Variants in ZNF248 observed in about 807,000 individuals in gnomAD.
ZNF248 encodes KRAB protein domain.
A neutral mutation model predicts 44.3 loss-of-function variants in ZNF248; 20 were observed. That is an observed-to-expected ratio of 0.45 (90% confidence interval 0.32 to 0.66). ZNF248 has a LOEUF of 0.66. Ranked by LOEUF, ZNF248 falls within the 30% of genes least tolerant of loss-of-function variation. The pLI is 0.04. For synonymous variants in ZNF248, 224 were observed against 229.0 expected (o/e 0.98, Z 0.20); for missense variants, 654 against 677.0 (o/e 0.97, Z 0.38).
chr10:37,835,172 A>G (rs2056870886), intron 5 of ZNF248, among the ~76,000 whole-genome samples: 1 of 152,212 alleles, frequency 6.6e-6, no homozygotes, highest in Non-Finnish European at 1.5e-5. Context: ...AAATTAGACA[A>G]CTAACAATTA....
downstream of ZNF248, among the ~76,000 whole-genome samples, chr10:37,827,677 G>C (rs1434345822): frequency 6.6e-6 from 1 of 152,116 alleles, no homozygotes; most frequent in African/African-American, 2.4e-5. Flanking sequence ...AATGGGAATA[G>C]GTAAGTCTTC....
chr10:37,761,585 C>A, the ZNF248 span, among the ~76,000 whole-genome samples: 2 of 152,108 alleles, frequency 1.3e-5, no homozygotes, highest in African/African-American at 4.8e-5. Context: ...TGAAAAAGTG[C>A]AATGAAGCAG....
intron 6 of ZNF248, chr10:37,795,316 A>C (rs985892632): frequency 3.3e-5 from 5 of 152,188 alleles, no homozygotes. Context: ...CCATATTCAA[A>C]GAGGCTCTCC....
At chr10:37,786,671 T>C (rs2047905920) in intron 6 of ZNF248, among the ~76,000 whole-genome samples, 1 of 152,176 alleles carries the variant, frequency 6.6e-6, no homozygotes, top group South Asian at 2.1e-4. Flanking sequence ...ACTTTTTGTT[T>C]TATGGATTTC....
intron 6 of ZNF248, among the ~76,000 whole-genome samples, chr10:37,814,279 C>T (rs564491982): frequency 1.3e-5 from 2 of 152,254 alleles, no homozygotes; most frequent in East Asian, 3.9e-4. Flanking sequence ...AACTCCGCTC[C>T]TACACAGCAC....
At chr10:37,847,941 T>C (rs2134552775) in intron 3 of ZNF248, among the ~76,000 whole-genome samples, 1 of 152,294 alleles carries the variant, frequency 6.6e-6, no homozygotes, top group South Asian at 2.1e-4. Flanking sequence ...CTGAAATAGA[T>C]ATTTATCTAT....
chr10:37,815,647 T>C (rs2052327795), intron 6 of ZNF248, among the ~76,000 whole-genome samples: 1 of 152,046 alleles, frequency 6.6e-6, no homozygotes, highest in African/African-American at 2.4e-5. Context: ...TTCTTTTCTT[T>C]TTTGCTTTCA....
chr10:37,801,758 AGAGT>A (rs1426069228), intron 6 of ZNF248, among the ~76,000 whole-genome samples: 1 of 152,202 alleles, frequency 6.6e-6, no homozygotes, highest in African/African-American at 2.4e-5. Context: ...GCAAGGAAGC[AGAGT>A]GAGTGACAGT....
chr10:37,847,628 A>G (rs1306231644), intron 3 of ZNF248, among the ~76,000 whole-genome samples: 1 of 152,232 alleles, frequency 6.6e-6, no homozygotes, highest in Non-Finnish European at 1.5e-5. Flanking sequence ...TTAACTGCTG[A>G]ATCTAGGTAA....
the ZNF248 span, among the ~76,000 whole-genome samples, chr10:37,762,728 G>C: frequency 6.6e-6 from 1 of 152,160 alleles, no homozygotes; most frequent in Non-Finnish European, 1.5e-5. Context: ...CATACAAATA[G>C]TTCCTGGGTT....
the ZNF248 span, among the ~76,000 whole-genome samples, chr10:37,764,929 G>T: frequency 4.6e-5 from 7 of 151,664 alleles, no homozygotes; most frequent in Non-Finnish European, 1.0e-4. Flanking sequence ...TAGTTTATGT[G>T]GATATTAAAA....
intron 3 of ZNF248, among the ~76,000 whole-genome samples, chr10:37,846,796 G>T (rs925171213): frequency 1.3e-5 from 2 of 152,104 alleles, no homozygotes; most frequent in Non-Finnish European, 2.9e-5. Flanking sequence ...AGGGATCACA[G>T]AAACACGTTA....
chr10:37,775,512 T>C (rs780297746), downstream of ZNF248: 10 of 152,136 alleles, frequency 6.6e-5, no homozygotes, highest in Admixed American at 1.3e-4. Context: ...CACTCGTCTA[T>C]GGGAAAAAGT....
chr10:37,822,283 T>C (rs1164751480), intron 6 of ZNF248, among the ~76,000 whole-genome samples: 2 of 152,152 alleles, frequency 1.3e-5, no homozygotes, highest in Non-Finnish European at 2.9e-5. Context: ...TCAATTTCAC[T>C]TGTGAACACA....
chr10:37,824,604 T>G (rs191527175), downstream of ZNF248, among the ~76,000 whole-genome samples: 45 of 151,548 alleles, frequency 3.0e-4, no homozygotes, highest in African/African-American at 1.1e-3. Flanking sequence ...CATTTAAAAA[T>G]TATAATGAGC....
Position 37,856,305 on chromosome 10 carries a change from G to C in ZNF248, c.6C>G (p.Asn2Lys). Residue 2 changes from asparagine (N) to lysine (K), a missense_variant, in exon 3 of 6, where the codon AAC (asparagine) becomes AAG (lysine). Physicochemically the swap from Asn to Lys is moderately conservative, Grantham distance 94. Coordinates refer to ENST00000395867, the MANE Select transcript of ZNF248 (RefSeq NM_021045.3). MNKSQEQVSFKD... is the reference protein window; with the variant it reads MKKSQEQVSFKD... ...GAAACAAGAATCTCACCTGGGATTT[G>C]TTCATTTTCCGCTCTTAGTGGAGGA... The C allele has an allele frequency of 6.2e-7, 1 of 1,613,402 alleles. No individual in the cohort carries two copies. The highest frequency in any genetic ancestry group is 2.2e-5 in the East Asian group (1 of 44,858).
Position 37,832,782 on chromosome 10 carries a change from T to C in ZNF248, c.573A>G (p.Lys191=), listed in dbSNP as rs1415137520. ...TAATGGCATTCCTTTTTTGATCATA[T>C]TTATAAGACTTCTCTCCAATAGGGA... The part of the protein sequence containing the change: ...EKIPIGEKSY[K]YDQKRNAINY... The change falls in exon 6 of 6, where the codon AAA becomes AAG. Residue 191 remains lysine (K), a synonymous_variant. Coordinates refer to ENST00000395867, the MANE Select transcript of ZNF248 (RefSeq NM_021045.3). The C allele has an allele frequency of 6.2e-7, 1 of 1,613,698 alleles. No homozygotes were observed. Among genetic ancestry groups the C allele is most frequent in the Non-Finnish European group, 8.5e-7 (1 of 1,179,874 alleles).
In ZNF248 at chr10:37,856,343, G is replaced by A. The variant is rs116129221; in HGVS notation, c.-27-6C>T. ...TCTTAGTGGAGGAAGGAGAGCTGAA[G>A]GATTAGAAAGGAAGAATGTCAGGAG... is the stretch of plus-strand genomic sequence containing the variant. On this transcript the variant is annotated splice_region_variant and splice_polypyrimidine_tract_variant and intron_variant, in intron 2 of 5. Transcript: ENST00000395867. The A allele has an allele frequency of 4.0e-5, 64 of 1,613,060 alleles. No homozygotes were observed. Among genetic ancestry groups the A allele is most frequent in the Admixed American group, 8.4e-5 (5 of 59,814 alleles).
intron 6 of ZNF248, among the ~76,000 whole-genome samples, chr10:37,785,288 C>A (rs1201775885): frequency 6.6e-6 from 1 of 152,198 alleles, no homozygotes; most frequent in African/African-American, 2.4e-5. Flanking sequence ...GTTTCAAAAG[C>A]AGCTCCTGTG....
Sources: gnomAD v4.1 joint callset for allele counts (sites outside exome capture counted in the v4.1 genomes callset) on GRCh38, gnomAD v4.1.1 for gene constraint, MANE v1.5 for transcripts, NCBI Gene and HGNC (gene_info 2026-07-23, HGNC 2026-07-21) for gene names.